The following PTPN13 variants were observed in gnomAD, a reference collection of about 807,000 sequenced individuals.
The protein encoded by PTPN13 is tyrosine-protein phosphatase non-receptor type 13.
PTPN13 carries 191 observed loss-of-function variants against 284.0 expected under a neutral mutation model. That is an observed-to-expected ratio of 0.67 (90% confidence interval 0.60 to 0.76). The LOEUF (loss-of-function observed/expected upper bound fraction) is 0.76. Among genes scored for constraint, PTPN13 ranks in the 30% least tolerant of loss-of-function variants. The pLI, the probability that PTPN13 is intolerant of heterozygous loss-of-function variation, is 0.00. For missense variants in PTPN13, 2,797 were observed against 2,939.9 expected (o/e 0.95, Z 1.12); for synonymous variants, 986 against 1,022.3 (o/e 0.96, Z 0.68).
chr4:86,717,700 C>A (rs2149074079), intron 9 of PTPN13, among the ~76,000 whole-genome samples: 1 of 152,120 alleles, frequency 6.6e-6, no homozygotes, highest in South Asian at 2.1e-4. Flanking sequence ...ACAGGAAGGT[C>A]AAGGCATGGG....
At chr4:86,803,908 G>T (rs1336837136) in intron 43 of PTPN13, 51 bp downstream of exon 43, 1 of 1,568,174 alleles carries the variant, frequency 6.4e-7, no homozygotes, top group African/African-American at 1.4e-5. Flanking sequence ...CATTTAGTTT[G>T]TAAGGAAAAT....
chr4:86,654,370 C>T (rs1725486072), intron 2 of PTPN13, among the ~76,000 whole-genome samples: 1 of 152,186 alleles, frequency 6.6e-6, no homozygotes, highest in Non-Finnish European at 1.5e-5. Context: ...GAAATACAGA[C>T]TACCATCAGA....
At chr4:86,603,605 T>A (rs1764502955) in intron 1 of PTPN13, among the ~76,000 whole-genome samples, 1 of 152,188 alleles carries the variant, frequency 6.6e-6, no homozygotes, top group Admixed American at 6.5e-5. Flanking sequence ...GTATAATTTT[T>A]CATTTATTAA....
At chr4:86,803,568 A>T in intron 42 of PTPN13, 141 bp from the exon 43 acceptor site, 1 of 867,966 alleles carries the variant, frequency 1.2e-6, no homozygotes, top group Non-Finnish European at 1.7e-6. Flanking sequence ...ACTCCATCGT[A>T]GGCGACAGAA....
At chr4:86,766,317 T>C in intron 26 of PTPN13, 115 bp from the exon 27 acceptor site, 2 of 721,846 alleles carry the variant, frequency 2.8e-6, no homozygotes, top group Non-Finnish European at 4.6e-6. Context: ...TGTAACACAA[T>C]TTCTTCCAGA....
intron 28 of PTPN13, among the ~76,000 whole-genome samples, chr4:86,769,526 A>G (rs1445943655): frequency 2.6e-5 from 4 of 152,208 alleles, no homozygotes; most frequent in Non-Finnish European, 4.4e-5. Flanking sequence ...TCCTACTTTC[A>G]GAACTCTCCT....
rs548552675 is a variant in PTPN13, at chr4:86,803,701, C to T, written c.6506-8C>T. 8.1e-6 allele frequency: 13 copies of T among 1,612,890 alleles called. No individual in the cohort carries two copies. The highest frequency in any genetic ancestry group is 3.3e-5 in the South Asian group (3 of 90,954). ...GGAACTGTTTTTAAATTGCTGTCTT[C>T]CTATTAGATCATTCCTTTCTGACAA... On this transcript the variant is annotated splice_polypyrimidine_tract_variant and splice_region_variant and intron_variant, in intron 42 of 47. Coordinates refer to ENST00000411767, the MANE Select transcript of PTPN13 (RefSeq NM_080683.3).
chr4:86,770,765 A>G (rs1470399353), intron 30 of PTPN13, among the ~76,000 whole-genome samples: 1 of 152,204 alleles, frequency 6.6e-6, no homozygotes, highest in African/African-American at 2.4e-5. Flanking sequence ...TTACATACAA[A>G]GAAGTTCTTC....
chr4:86,643,553 T>G (rs1436456884), intron 2 of PTPN13, among the ~76,000 whole-genome samples: 1 of 152,170 alleles, frequency 6.6e-6, no homozygotes, highest in Non-Finnish European at 1.5e-5. Context: ...TCAGCAAAGT[T>G]TAGTGAATAT....
At chr4:86,797,754 A>C (rs1743515434) in intron 41 of PTPN13, among the ~76,000 whole-genome samples, 1 of 152,012 alleles carries the variant, frequency 6.6e-6, no homozygotes. Context: ...TTTAATGAGA[A>C]AATGAAACCA....
At position 86,720,767 on chromosome 4, in the gene PTPN13, C is replaced by T. The variant is rs1037862769; in HGVS notation, c.1386-1445C>T. On this transcript the variant is annotated intron_variant, in intron 9 of 47. Coordinates refer to ENST00000411767, the MANE Select transcript of PTPN13 (RefSeq NM_080683.3). ...GCTTCTTGACAAAAGTTTCTATTCC[C>T]TTTAGCTAGAATAAAATGGCAAAAC... Among the ~76,000 whole-genome samples the T allele has an allele frequency of 2.6e-5, 4 of 152,168 alleles. No homozygotes were observed. In the South Asian group the frequency reaches 8.3e-4, roughly 32 times the overall value.
chr4:86,621,123 C>T (rs1445050936), intron 1 of PTPN13, among the ~76,000 whole-genome samples: 1 of 151,968 alleles, frequency 6.6e-6, no homozygotes, highest in Non-Finnish European at 1.5e-5. Flanking sequence ...TTAGAAGGCA[C>T]ACAAAGCCTG....
intron 6 of PTPN13, among the ~76,000 whole-genome samples, chr4:86,697,895 T>C (rs548797819): frequency 2.1e-5 from 3 of 140,016 alleles, no homozygotes; most frequent in Non-Finnish European, 4.8e-5. Flanking sequence ...TACAAGGAAG[T>C]TTTTTCTAAA....
At chr4:86,598,505 A>ACACT (rs150322487) in intron 1 of PTPN13, among the ~76,000 whole-genome samples, 7,045 of 152,276 alleles carry the variant, frequency 0.046, 214 homozygotes, top group African/African-American at 0.06. Flanking sequence ...GTGCAAGCTG[A>ACACT]CAGTATTTAG....
At chr4:86,703,713 T>G (rs1024662842) in intron 7 of PTPN13, among the ~76,000 whole-genome samples, 3 of 152,090 alleles carry the variant, frequency 2.0e-5, no homozygotes, top group Admixed American at 6.5e-5. Flanking sequence ...CAAAAAAAAT[T>G]TTTTAATTAT....
chr4:86,619,590 C>T (rs1720984102), intron 1 of PTPN13, among the ~76,000 whole-genome samples: 1 of 152,132 alleles, frequency 6.6e-6, no homozygotes, highest in Non-Finnish European at 1.5e-5. Flanking sequence ...CAACTCCTGT[C>T]ACCATACCAC....
chr4:86,745,000 G>A lies in PTPN13; in HGVS notation c.2522G>A (p.Gly841Glu). ...ATCACATTGCAAAATACATCAGATG[G>A]AATAAAACATGGCTTCCAGACAGAC... ...KKITLQNTSD[G>E]IKHGFQTDNS... Residue 841 changes from glycine (G) to glutamate (E), a missense_variant, in exon 17 of 48, where the codon GGA (glycine) becomes GAA (glutamate). Gly to Glu is a moderately conservative substitution (Grantham distance 98). Transcript: ENST00000411767. The A allele has an allele frequency of 1.3e-6, 2 of 1,592,606 alleles. No homozygotes were observed. The highest frequency in any genetic ancestry group is 2.3e-5 in the East Asian group (1 of 44,162).
intron 14 of PTPN13, among the ~76,000 whole-genome samples, chr4:86,735,302 G>T (rs911561875): frequency 6.6e-6 from 1 of 152,170 alleles, no homozygotes; most frequent in African/African-American, 2.4e-5. Flanking sequence ...GAAGCAAGGG[G>T]CTAGAAGCTG....
Position 86,768,737 on chromosome 4 carries a change from G to A in PTPN13, c.4489+761G>A, listed in dbSNP as rs1158639514. On this transcript the variant is annotated intron_variant, in intron 28 of 47. Transcript: ENST00000411767. Reference sequence around the variant, plus strand: ...TTTTTTTTTTTTTTTTTGAAACAGAGTCTCGTTCTGTTGCCCAGGCTGGAG... The same window carrying A: ...TTTTTTTTTTTTTTTTTGAAACAGAATCTCGTTCTGTTGCCCAGGCTGGAG... Among the ~76,000 whole-genome samples the A allele has an allele frequency of 2.9e-5, 4 of 136,218 alleles. No homozygotes were observed. In the East Asian group the frequency reaches 8.3e-4, roughly 28 times the overall value. 89.4% of individuals were successfully genotyped at this position (136,218 alleles called of 152,430 possible).
Sources: gnomAD v4.1 joint callset for allele counts (sites outside exome capture counted in the v4.1 genomes callset) on GRCh38, gnomAD v4.1.1 for gene constraint, MANE v1.5 for transcripts, NCBI Gene and HGNC (gene_info 2026-07-23, HGNC 2026-07-21) for gene names.